Variants in PDK1 observed in about 807,000 individuals in gnomAD.
PDK1 encodes the protein [Pyruvate dehydrogenase (acetyl-transferring)] kinase isozyme 1, mitochondrial.
A neutral mutation model predicts 54.2 loss-of-function variants in PDK1; 39 were observed. The observed-to-expected ratio is 0.72, with a 90% CI of 0.56 to 0.94. PDK1 has a LOEUF of 0.94. Ranked by LOEUF, PDK1 falls within the 40% of genes least tolerant of loss-of-function variation. The pLI, the probability that PDK1 is intolerant of heterozygous loss-of-function variation, is 0.00. For synonymous variants in PDK1, 221 were observed against 207.1 expected, an observed-to-expected ratio of 1.07 and a Z score of -0.58; for missense variants, 552 against 566.0, an observed-to-expected ratio of 0.98 and a Z score of 0.25.
chr2:172,562,769 T>G (rs773738694), intron 3 of PDK1: 1 of 1,607,954 alleles, frequency 6.2e-7, no homozygotes, highest in Admixed American at 1.7e-5. Flanking sequence ...GTTGCAGGTC[T>G]CTAGTTTATG....
At chr2:172,700,421 G>A in the PDK1 span, among the ~76,000 whole-genome samples, 1 of 151,558 alleles carries the variant, frequency 6.6e-6, no homozygotes, top group East Asian at 1.9e-4. Flanking sequence ...GCCAGGCAGA[G>A]GCGCTCCCCA....
At chr2:172,655,513 G>A in the PDK1 span, among the ~76,000 whole-genome samples, 3 of 152,048 alleles carry the variant, frequency 2.0e-5, no homozygotes, top group Non-Finnish European at 4.4e-5. Context: ...TTCTTTTCAC[G>A]TAAGAAGGTG....
At chr2:172,637,863 T>A in the PDK1 span, among the ~76,000 whole-genome samples, 7 of 152,190 alleles carry the variant, frequency 4.6e-5, no homozygotes, top group East Asian at 1.4e-3. Context: ...GCCCAGCTAA[T>A]TTTCTTGTAT....
chr2:172,556,391 C>G (rs2149170672), intron 1 of PDK1, 45 bp downstream of exon 1: 2 of 1,318,842 alleles, frequency 1.5e-6, no homozygotes, highest in Non-Finnish European at 2.0e-6. Flanking sequence ...CGGTCCCGGG[C>G]GGGGAGCTGC....
At chr2:172,704,224 C>T in the PDK1 span, among the ~76,000 whole-genome samples, 2 of 152,264 alleles carry the variant, frequency 1.3e-5, no homozygotes, top group African/African-American at 2.4e-5. Context: ...CCAACGGCTC[C>T]TGGCACGACA....
chr2:172,671,893 C>T, the PDK1 span, among the ~76,000 whole-genome samples: 45 of 152,114 alleles, frequency 3.0e-4, no homozygotes, highest in African/African-American at 1.0e-3. Flanking sequence ...GAAGGGAAAA[C>T]AAGATAAAAA....
the PDK1 span, among the ~76,000 whole-genome samples, chr2:172,645,259 G>GTTTTTTT: frequency 1.3e-4 from 5 of 38,750 alleles, no homozygotes; most frequent in East Asian, 5.7e-3. Context: ...TACAAAATAG[G>GTTTTTTT]CTTTTTTTTT....
At chr2:172,625,861 T>G in the PDK1 span, among the ~76,000 whole-genome samples, 2 of 152,240 alleles carry the variant, frequency 1.3e-5, no homozygotes, top group Non-Finnish European at 2.9e-5. Context: ...CTATGTCATA[T>G]ATATCATATG....
intron 1 of PDK1, among the ~76,000 whole-genome samples, chr2:172,558,428 A>G (rs1335849610): frequency 6.6e-6 from 1 of 152,216 alleles, no homozygotes; most frequent in Non-Finnish European, 1.5e-5. Flanking sequence ...AAAATGGGTG[A>G]TCACTTTAAG....
In PDK1 at chr2:172,606,308, T is replaced by A. The variant is rs570911603; in HGVS notation, c.*10339T>A. 2.6e-5 allele frequency: 4 copies of A among 152,360 alleles called. No homozygotes were observed. The East Asian group carries it at 7.7e-4, about 29-fold the overall frequency. 9.4% of individuals were successfully genotyped at this position (152,360 alleles called of 1,614,324 possible). On this transcript the variant is annotated 3_prime_UTR_variant, in exon 11 of 11. Transcript: ENST00000282077. Reference sequence around the variant, plus strand: ...GAAGGTAAAGAAGATCTCCTCTCTCTTAGAACTTAATCAAACTCTTGGCAT... The same window carrying A: ...GAAGGTAAAGAAGATCTCCTCTCTCATAGAACTTAATCAAACTCTTGGCAT...
intron 8 of PDK1, among the ~76,000 whole-genome samples, chr2:172,575,593 A>T (rs1030636447): frequency 1.3e-5 from 2 of 151,834 alleles, no homozygotes; most frequent in African/African-American, 4.8e-5. Context: ...AAGCCAAGGC[A>T]GGTGGATCAC....
chr2:172,649,538 C>T, the PDK1 span, among the ~76,000 whole-genome samples: 4 of 151,988 alleles, frequency 2.6e-5, no homozygotes, highest in South Asian at 2.1e-4. Flanking sequence ...CAAACTTCTC[C>T]GAGCTAAAGG....
chr2:172,557,797 TA>T (rs1574456508), intron 1 of PDK1, among the ~76,000 whole-genome samples: 1 of 152,188 alleles, frequency 6.6e-6, no homozygotes, highest in East Asian at 1.9e-4. Context: ...TTGCTTATGG[TA>T]ATTAGCATTA....
At chr2:172,579,319 C>T (rs1455675928) in intron 8 of PDK1, among the ~76,000 whole-genome samples, 1 of 152,050 alleles carries the variant, frequency 6.6e-6, no homozygotes, top group Non-Finnish European at 1.5e-5. Flanking sequence ...CAGCAGCTAC[C>T]AGGCTGCTGG....
At chr2:172,643,218 T>C in the PDK1 span, among the ~76,000 whole-genome samples, 1 of 152,236 alleles carries the variant, frequency 6.6e-6, no homozygotes, top group African/African-American at 2.4e-5. Flanking sequence ...ACATTGGGGC[T>C]GAAAAGGTGA....
At chr2:172,661,005 T>C in the PDK1 span, among the ~76,000 whole-genome samples, 1 of 152,018 alleles carries the variant, frequency 6.6e-6, no homozygotes, top group African/African-American at 2.4e-5. Context: ...AAGACAAAAA[T>C]GAGATTCATA....
At chr2:172,575,018 T>G (rs1473021912) in intron 8 of PDK1, among the ~76,000 whole-genome samples, 2 of 152,186 alleles carry the variant, frequency 1.3e-5, no homozygotes, top group East Asian at 3.8e-4. Flanking sequence ...TAGATACCCT[T>G]TATCAGATTG....
At chr2:172,669,185 A>G in the PDK1 span, among the ~76,000 whole-genome samples, 1 of 148,542 alleles carries the variant, frequency 6.7e-6, no homozygotes, top group Non-Finnish European at 1.5e-5. Context: ...TCAGCCTCCC[A>G]AGTAGCTGGG....
chr2:172,572,384 A>G (rs1689327373), intron 8 of PDK1, among the ~76,000 whole-genome samples: 1 of 152,218 alleles, frequency 6.6e-6, no homozygotes, highest in Non-Finnish European at 1.5e-5. Flanking sequence ...TTATTCAAGT[A>G]TTGCCGCTGT....
Sources: gnomAD v4.1 joint callset for allele counts (sites outside exome capture counted in the v4.1 genomes callset) on GRCh38, gnomAD v4.1.1 for gene constraint, MANE v1.5 for transcripts, NCBI Gene and HGNC (gene_info 2026-07-23, HGNC 2026-07-21) for gene names.